The following KIAA1217 variants were observed in gnomAD, a reference collection of about 807,000 sequenced individuals.
The protein encoded by KIAA1217 is KIAA1217, also known as sickle tail protein homolog.
A neutral mutation model predicts 163.9 loss-of-function variants in KIAA1217; 88 were observed. That is an observed-to-expected ratio of 0.54 (90% CI 0.45 to 0.64). The LOEUF (loss-of-function observed/expected upper bound fraction) is 0.64. Ranked by LOEUF, KIAA1217 falls within the 30% of genes least tolerant of loss-of-function variation. The pLI is 0.00. For synonymous variants in KIAA1217, 903 were observed against 923.1 expected (o/e 0.98, Z 0.39); for missense variants, 2,372 against 2,475.0 (o/e 0.96, Z 0.88).
At chr10:24,079,503 G>A (rs566603092) in intron 2 of KIAA1217, among the ~76,000 whole-genome samples, 2 of 152,250 alleles carry the variant, frequency 1.3e-5, no homozygotes, top group South Asian at 4.1e-4. Context: ...CCCATTAATG[G>A]TATTGTATTG....
chr10:24,091,144 T>C (rs1171197524), intron 2 of KIAA1217, among the ~76,000 whole-genome samples: 2 of 152,022 alleles, frequency 1.3e-5, no homozygotes, highest in South Asian at 2.1e-4. Context: ...AAATCTGATA[T>C]CCAACAACTG....
At chr10:24,127,714 T>G (rs1214202864) in intron 2 of KIAA1217, among the ~76,000 whole-genome samples, 1 of 152,218 alleles carries the variant, frequency 6.6e-6, no homozygotes, top group African/African-American at 2.4e-5. Context: ...CCACATAATT[T>G]TTATGACATG....
At chr10:24,440,697 T>G (rs1309633850) in intron 5 of KIAA1217, among the ~76,000 whole-genome samples, 2 of 152,226 alleles carry the variant, frequency 1.3e-5, no homozygotes, top group Non-Finnish European at 2.9e-5. Context: ...GAGCCTACTT[T>G]AAGCCCTCAT....
At chr10:24,237,176 A>G (rs1237867765) in intron 2 of KIAA1217, among the ~76,000 whole-genome samples, 5 of 152,212 alleles carry the variant, frequency 3.3e-5, no homozygotes, top group Non-Finnish European at 5.9e-5. Flanking sequence ...TTTCTCATTC[A>G]GGGATGGTAG....
At chr10:23,811,226 T>G (rs1837031996) in intron 1 of KIAA1217, among the ~76,000 whole-genome samples, 1 of 143,058 alleles carries the variant, frequency 7.0e-6, no homozygotes, top group South Asian at 2.1e-4. Flanking sequence ...ATATATAGTA[T>G]AGCGTGTATA....
Position 24,284,817 on chromosome 10 carries a change from C to T in KIAA1217, c.354+64908C>T, listed in dbSNP as rs575019113. 2.0e-5 allele frequency among the ~76,000 whole-genome samples: 3 copies of T among 152,346 alleles called. No homozygotes were observed. The South Asian group carries it at 6.2e-4, about 32-fold the overall frequency. On this transcript the variant is annotated intron_variant, in intron 2 of 20. Coordinates refer to ENST00000376454, the MANE Select transcript of KIAA1217 (RefSeq NM_019590.5). ...TTTAGTTCTTTATGAAATCTCCAAA[C>T]TGCTTTCCACAGGGACTGAACTAAT...
chr10:24,432,118 CTTTTTTTTTT>C (rs57893341), intron 3 of KIAA1217, among the ~76,000 whole-genome samples: 2 of 116,432 alleles, frequency 1.7e-5, no homozygotes, highest in Non-Finnish European at 1.7e-5. Flanking sequence ...AAGTATCGTC[CTTTTTTTTTT>C]TTTTTTTTTT....
At chr10:23,867,566 C>G (rs1433974036) in intron 1 of KIAA1217, among the ~76,000 whole-genome samples, 1 of 152,138 alleles carries the variant, frequency 6.6e-6, no homozygotes, top group Non-Finnish European at 1.5e-5. Flanking sequence ...GATGGTATCT[C>G]ATTGTGGTTT....
chr10:24,108,569 G>A (rs968799525), intron 2 of KIAA1217, among the ~76,000 whole-genome samples: 3 of 152,148 alleles, frequency 2.0e-5, no homozygotes, highest in Non-Finnish European at 4.4e-5. Flanking sequence ...TGAGGATCAG[G>A]AGTCATCTTT....
chr10:23,936,364 C>T lies in KIAA1217; in HGVS notation c.-320-70861C>T, dbSNP rs553269996. 4.6e-5 allele frequency among the ~76,000 whole-genome samples: 7 copies of T among 152,152 alleles called. No homozygotes were observed. In the South Asian group the frequency reaches 1.5e-3, roughly 32 times the overall value. On this transcript the variant is annotated intron_variant, in intron 1 of 18. Transcript: ENST00000376462. ...ACCTGTACTGGGTTATATTACATTA[C>T]CCCCCGGCCCCAACAAGAGATATGT...
At chr10:24,014,010 G>A (rs1431362544) in intron 2 of KIAA1217, among the ~76,000 whole-genome samples, 25 of 152,180 alleles carry the variant, frequency 1.6e-4, no homozygotes, top group Non-Finnish European at 1.5e-5. Flanking sequence ...GAAAATTAAT[G>A]TGTGTACAAT....
At chr10:23,978,441 A>T (rs1196268226) in intron 1 of KIAA1217, among the ~76,000 whole-genome samples, 3 of 152,132 alleles carry the variant, frequency 2.0e-5, no homozygotes, top group Admixed American at 1.3e-4. Context: ...TACTGGCTTG[A>T]AGTTATTCTG....
chr10:24,027,823 C>A (rs907358275), intron 2 of KIAA1217, among the ~76,000 whole-genome samples: 1 of 151,988 alleles, frequency 6.6e-6, no homozygotes, highest in Non-Finnish European at 1.5e-5. Context: ...TAAATAAGAC[C>A]TATCGCCCAA....
intron 1 of KIAA1217, among the ~76,000 whole-genome samples, chr10:23,701,143 T>A (rs1190717709): frequency 6.6e-6 from 1 of 152,158 alleles, no homozygotes; most frequent in Non-Finnish European, 1.5e-5. Flanking sequence ...ATTATTATGG[T>A]GTCATCTCAG....
chr10:24,373,658 T>C (rs920771585), intron 2 of KIAA1217, among the ~76,000 whole-genome samples: 2 of 152,200 alleles, frequency 1.3e-5, no homozygotes, highest in South Asian at 4.1e-4. Context: ...TTGCATAGTG[T>C]GGTGCTTCTT....
rs1296725016 is a variant in KIAA1217 at position 23,810,517 on chromosome 10, G to GATAATCTATATATAGTATATATAGT, written c.-321+115323_-321+115347dup. Among the ~76,000 whole-genome samples the GATAATCTATATATAGTATATATAGT allele has an allele frequency of 1.7e-3, 225 of 131,464 alleles. 1 individual carries two copies. Among genetic ancestry groups the GATAATCTATATATAGTATATATAGT allele is most frequent in the African/African-American group, 5.5e-3 (194 of 35,006 alleles). The allele number at this position is 131,464 out of a possible 152,430, so 86.2% of individuals were successfully genotyped here. Reference sequence around the variant, plus strand: ...CTATGTATAATCTATATATACTATAGATAATCTATATATAGTATATATAGT... The same window carrying GATAATCTATATATAGTATATATAGT: ...CTATGTATAATCTATATATACTATAGATAATCTATATATAGTATATATAGTATAATCTATATATAGTATATATAGT... On this transcript the variant is annotated intron_variant, in intron 1 of 18. Coordinates refer to the KIAA1217 transcript ENST00000376462.
intron 1 of KIAA1217, among the ~76,000 whole-genome samples, chr10:23,815,373 G>A (rs377656030): frequency 1.4e-4 from 21 of 152,266 alleles, no homozygotes; most frequent in African/African-American, 4.3e-4. Flanking sequence ...GGCTGGGCGC[G>A]GTGGCTCACG....
At chr10:24,442,139 C>T (rs1372652729) in intron 5 of KIAA1217, among the ~76,000 whole-genome samples, 1 of 152,074 alleles carries the variant, frequency 6.6e-6, no homozygotes, top group Non-Finnish European at 1.5e-5. Flanking sequence ...TAAATTATTC[C>T]CCAATACCCA....
At chr10:24,314,930 C>T (rs1225534086) in intron 2 of KIAA1217, among the ~76,000 whole-genome samples, 4 of 151,922 alleles carry the variant, frequency 2.6e-5, no homozygotes, top group African/African-American at 4.8e-5. Flanking sequence ...GGCGACAGAG[C>T]GAGACTGTCT....
Sources: allele counts gnomAD v4.1 joint callset (sites outside exome capture counted in the v4.1 genomes callset), GRCh38; gene constraint gnomAD v4.1.1; transcripts MANE v1.5; gene names NCBI Gene and HGNC (gene_info 2026-07-23, HGNC 2026-07-21).